Variants in TTC23 observed in about 807,000 individuals in gnomAD.
TTC23 encodes tetratricopeptide repeat domain 23, also known as tetratricopeptide repeat protein 23.
TTC23 carries 58 observed loss-of-function variants against 55.1 expected under a neutral mutation model. The observed-to-expected ratio is 1.05, with a 90% CI of 0.85 to 1.31. The LOEUF is 1.31. Among genes scored for constraint, TTC23 ranks in the 50% most tolerant of loss-of-function variants. The probability of loss-of-function intolerance (pLI) is 0.00; values close to 1 mark genes in which losing one functional copy is unlikely to be tolerated. For synonymous variants in TTC23, 203 were observed against 199.9 expected (o/e 1.02, Z -0.13); for missense variants, 516 against 534.4 (o/e 0.97, Z 0.34).
intron 10 of TTC23, among the ~76,000 whole-genome samples, chr15:99,163,109 A>ACAAC (rs55764668): frequency 1.6e-5 from 2 of 122,848 alleles, no homozygotes; most frequent in Non-Finnish European, 3.6e-5. Flanking sequence ...AAACAAACAA[A>ACAAC]AACAACAACA....
intron 8 of TTC23, among the ~76,000 whole-genome samples, chr15:99,201,744 C>T (rs181540838): frequency 6.6e-6 from 1 of 152,180 alleles, no homozygotes; most frequent in Non-Finnish European, 1.5e-5. Flanking sequence ...ATAGGCGACC[C>T]AGTAATACCG....
intron 8 of TTC23, among the ~76,000 whole-genome samples, chr15:99,204,633 T>A (rs1380248589): frequency 2.5e-5 from 1 of 40,174 alleles, no homozygotes; most frequent in Non-Finnish European, 4.7e-5. Context: ...AGATTTAAGG[T>A]TTTTTTTTTT....
At chr15:99,169,630 G>A (rs1388743503) in intron 10 of TTC23, among the ~76,000 whole-genome samples, 1 of 152,166 alleles carries the variant, frequency 6.6e-6, no homozygotes, top group African/African-American at 2.4e-5. Flanking sequence ...GAAAAGGCAG[G>A]CCACAGGGGG....
chr15:99,183,859 G>GC (rs1596474527), intron 9 of TTC23, among the ~76,000 whole-genome samples: 1 of 152,130 alleles, frequency 6.6e-6, no homozygotes, highest in South Asian at 2.1e-4. Flanking sequence ...CTTCACAGCA[G>GC]CCCCCCTTAT....
intron 9 of TTC23, among the ~76,000 whole-genome samples, chr15:99,185,881 G>C (rs2074614524): frequency 6.6e-6 from 1 of 152,108 alleles, no homozygotes; most frequent in African/African-American, 2.4e-5. Flanking sequence ...ATTTTAATGA[G>C]TTAATCACTA....
chr15:99,195,131 A>T (rs769065030), intron 9 of TTC23, among the ~76,000 whole-genome samples: 4 of 152,238 alleles, frequency 2.6e-5, no homozygotes, highest in Non-Finnish European at 5.9e-5. Context: ...CATTGTCAAG[A>T]GAATTAAAAG....
chr15:99,209,329 C>T (rs1028280515), intron 8 of TTC23, among the ~76,000 whole-genome samples: 7 of 152,164 alleles, frequency 4.6e-5, no homozygotes, highest in African/African-American at 1.7e-4. Flanking sequence ...CAAAAGATAA[C>T]AAATGGGATT....
At chr15:99,186,215 A>C (rs1414173412) in intron 9 of TTC23, among the ~76,000 whole-genome samples, 2 of 152,190 alleles carry the variant, frequency 1.3e-5, no homozygotes, top group African/African-American at 4.8e-5. Context: ...TGAACCTTTG[A>C]GTAGTTCTAT....
chr15:99,230,537 A>G (rs1328224736), intron 4 of TTC23, among the ~76,000 whole-genome samples: 1 of 152,194 alleles, frequency 6.6e-6, no homozygotes, highest in Non-Finnish European at 1.5e-5. Context: ...CATGAAGAAA[A>G]CTATACCAAA....
intron 5 of TTC23, among the ~76,000 whole-genome samples, chr15:99,227,355 G>A (rs529510447): frequency 1.3e-5 from 2 of 152,264 alleles, no homozygotes; most frequent in East Asian, 1.9e-4. Context: ...CCACTGATTT[G>A]CATTTCTAAA....
chr15:99,191,210 C>T (rs191914985), intron 9 of TTC23, among the ~76,000 whole-genome samples: 200 of 152,330 alleles, frequency 1.3e-3, no homozygotes, highest in Non-Finnish European at 1.9e-3. Flanking sequence ...TAAGTAAATG[C>T]GTTTGATTTC....
At chr15:99,230,363 T>G (rs1049937366) in intron 4 of TTC23, among the ~76,000 whole-genome samples, 7 of 152,060 alleles carry the variant, frequency 4.6e-5, no homozygotes, top group Non-Finnish European at 1.5e-5. Context: ...GTAAAACAAC[T>G]TCAAGTTGCC....
At chr15:99,197,104 CT>C (rs71456913) in intron 9 of TTC23, among the ~76,000 whole-genome samples, 15,099 of 142,116 alleles carry the variant, frequency 0.11, 628 homozygotes, top group Admixed American at 0.14. Flanking sequence ...GGTTTCTGTT[CT>C]TTTTTTTTTT....
At chr15:99,195,867 TAAAA>T (rs35219461) in intron 9 of TTC23, among the ~76,000 whole-genome samples, 8 of 143,826 alleles carry the variant, frequency 5.6e-5, no homozygotes, top group African/African-American at 2.0e-4. Flanking sequence ...CTAAAACTGC[TAAAA>T]AAAAAAAAAA....
intron 4 of TTC23, among the ~76,000 whole-genome samples, chr15:99,230,268 T>C (rs1472698721): frequency 2.0e-5 from 3 of 152,186 alleles, no homozygotes; most frequent in African/African-American, 7.2e-5. Context: ...GTGGGATTAA[T>C]GGCAGATAAG....
At chr15:99,222,675 T>C (rs1049556268) in intron 5 of TTC23, among the ~76,000 whole-genome samples, 1 of 152,150 alleles carries the variant, frequency 6.6e-6, no homozygotes, top group African/African-American at 2.4e-5. Context: ...AGAGCAGCCA[T>C]ATCCTCAAAG....
intron 9 of TTC23, among the ~76,000 whole-genome samples, chr15:99,186,017 A>G (rs1381234159): frequency 2.6e-5 from 4 of 152,242 alleles, no homozygotes; most frequent in African/African-American, 9.6e-5. Flanking sequence ...CTCTTTGTGT[A>G]TACTTAATAG....
Position 99,200,068 on chromosome 15 carries a change from CT to C in TTC23, c.609del (p.Glu204LysfsTer28). ...AQVYQGQKKS[K>X]EALSHYQAAL... Reference sequence around the variant, plus strand: ...GCTGCTTGATAGTGGGACAAAGCTTCTTTTGACTTCTTCTGACCTTGATACA... The same window carrying C: ...GCTGCTTGATAGTGGGACAAAGCTTCTTTGACTTCTTCTGACCTTGATACA... On this transcript the variant is annotated frameshift_variant, in exon 9 of 14. Coordinates refer to ENST00000394132, the MANE Select transcript of TTC23 (RefSeq NM_001288615.3). LOFTEE classifies it high-confidence loss of function. 1 of 1,611,618 alleles carries C rather than the reference CT, an allele frequency of 6.2e-7. No homozygotes were observed. Among genetic ancestry groups the C allele is most frequent in the Non-Finnish European group, 8.5e-7 (1 of 1,178,700 alleles).
intron 9 of TTC23, among the ~76,000 whole-genome samples, chr15:99,195,251 T>C (rs533399595): frequency 5.9e-5 from 9 of 152,076 alleles, no homozygotes; most frequent in Non-Finnish European, 1.0e-4. Context: ...AATAAACAAA[T>C]TGATTTTAAA....
Sources: allele counts gnomAD v4.1 joint callset (sites outside exome capture counted in the v4.1 genomes callset), GRCh38; gene constraint gnomAD v4.1.1; transcripts MANE v1.5; gene names NCBI Gene and HGNC (gene_info 2026-07-23, HGNC 2026-07-21).